The following CCDC122 variants were observed in gnomAD, a reference collection of about 807,000 sequenced individuals.
CCDC122 encodes the protein coiled-coil domain-containing protein 122.
CCDC122 carries 38 observed loss-of-function variants against 37.0 expected under a neutral mutation model. That is an observed-to-expected ratio of 1.03 (90% CI 0.79 to 1.35). The LOEUF (loss-of-function observed/expected upper bound fraction) is 1.35. Ranked by LOEUF, CCDC122 falls within the 40% of genes most tolerant of loss-of-function variation. CCDC122 has a pLI of 0.00. For missense variants in CCDC122, 305 were observed against 310.0 expected (o/e 0.98, Z 0.12); for synonymous variants, 83 against 95.6 (o/e 0.87, Z 0.77).
chr13:43,844,069 CTTCT>C (rs79191527), intron 6 of CCDC122, among the ~76,000 whole-genome samples: 6,994 of 151,374 alleles, frequency 0.046, 321 homozygotes, highest in African/African-American at 0.11. Flanking sequence ...CATTTAATTC[CTTCT>C]ATTTACTTTT....
chr13:43,828,294 T>C (rs1020444592), intron 3 of CCDC122, among the ~76,000 whole-genome samples: 1 of 152,174 alleles, frequency 6.6e-6, no homozygotes, highest in South Asian at 2.1e-4. Flanking sequence ...GCACGCATTA[T>C]GTGTCAGGTG....
At chr13:43,862,363 T>C (rs989204380) in intron 4 of CCDC122, among the ~76,000 whole-genome samples, 6 of 152,162 alleles carry the variant, frequency 3.9e-5, no homozygotes, top group Admixed American at 3.9e-4. Context: ...CTGGCTATTA[T>C]CTGTTGGGTC....
intron 2 of CCDC122, among the ~76,000 whole-genome samples, chr13:43,873,709 A>T (rs1015753710): frequency 2.0e-5 from 3 of 152,204 alleles, no homozygotes; most frequent in South Asian, 4.1e-4. Flanking sequence ...CTCTACCTTT[A>T]AATTATACTG....
chr13:43,876,050 C>A (rs1005909542), intron 1 of CCDC122, among the ~76,000 whole-genome samples: 1 of 152,148 alleles, frequency 6.6e-6, no homozygotes, highest in African/African-American at 2.4e-5. Flanking sequence ...GTCACTTAGC[C>A]CCTAGGCAAA....
intron 3 of CCDC122, among the ~76,000 whole-genome samples, chr13:43,829,775 G>C (rs189915239): frequency 6.0e-4 from 91 of 152,248 alleles, no homozygotes; most frequent in Non-Finnish European, 1.0e-3. Flanking sequence ...TTTTGGTCTG[G>C]TTGCATGAGA....
In CCDC122 at chr13:43,868,797, T is replaced by C; in HGVS notation, c.53A>G (p.Gln18Arg). The C allele has an allele frequency of 3.4e-6, 5 of 1,486,466 alleles. No individual in the cohort carries two copies. The highest frequency in any genetic ancestry group is 4.5e-6 in the Non-Finnish European group (5 of 1,113,126). 92.1% of individuals were successfully genotyped at this position (1,486,466 alleles called of 1,614,324 possible). ...KSQGFPKEDN[Q>R]DTSSLADAVE... ...AGCATCAGCTAATGAACTTGTGTCT[T>C]GGTTATCTACAATTAGACAAAAGAA... The change falls in exon 4 of 7, where the codon CAA (glutamine) becomes CGA (arginine). Residue 18 changes from glutamine (Q) to arginine (R), a missense_variant. Physicochemically the swap from Gln to Arg is conservative, Grantham distance 43 (BLOSUM62 1). Transcript: ENST00000444614.
At chr13:43,857,922 T>C (rs1953976084) in intron 6 of CCDC122, among the ~76,000 whole-genome samples, 1 of 151,994 alleles carries the variant, frequency 6.6e-6, no homozygotes, top group Non-Finnish European at 1.5e-5. Flanking sequence ...GAAAAAATAA[T>C]AATAATAATA....
chr13:43,859,552 T>C, intron 5 of CCDC122, 120 bp downstream of exon 5: 1 of 731,402 alleles, frequency 1.4e-6, no homozygotes, highest in South Asian at 3.7e-5. Context: ...AAATAGTTTC[T>C]GAAGGTAATA....
chr13:43,837,459 G>A, intron 6 of CCDC122, 30 bp from the exon 7 acceptor site: 1 of 1,584,362 alleles, frequency 6.3e-7, no homozygotes, highest in Non-Finnish European at 8.6e-7. Context: ...CATCAACAGG[G>A]CTTGTGAAGT....
intron 1 of CCDC122, among the ~76,000 whole-genome samples, chr13:43,875,453 G>A (rs535443931): frequency 1.3e-5 from 2 of 152,308 alleles, no homozygotes; most frequent in Admixed American, 6.5e-5. Context: ...ATCTTGAGAT[G>A]AGATCATCCT....
chr13:43,870,369 G>C (rs1299302688), intron 2 of CCDC122, among the ~76,000 whole-genome samples: 1 of 152,040 alleles, frequency 6.6e-6, no homozygotes, highest in African/African-American at 2.4e-5. Context: ...TCAACACACA[G>C]AACTGTCCCA....
chr13:43,848,368 C>A (rs1385202693), intron 6 of CCDC122, among the ~76,000 whole-genome samples: 1 of 152,170 alleles, frequency 6.6e-6, no homozygotes, highest in Non-Finnish European at 1.5e-5. Flanking sequence ...AAAAACTTCT[C>A]AACTGCTCCA....
At position 43,858,833 on chromosome 13, in the gene CCDC122, C is replaced by A; in HGVS notation, c.620G>T (p.Cys207Phe). The change falls in exon 6 of 7, where the codon TGT becomes TTT. Residue 207 changes from cysteine to phenylalanine, a missense_variant. Coordinates refer to ENST00000444614, the MANE Select transcript of CCDC122 (RefSeq NM_144974.5). ...TGTCTTTTTTTCTTCCTCAAGAAAA[C>A]AAGTTTTTTCAATGATAGATTCTTT... ...TVKESIIEKT[C>F]FLEEEKKTHE... 3 of 1,422,002 alleles carry A rather than the reference C, an allele frequency of 2.1e-6. No individual in the cohort carries two copies. Among genetic ancestry groups the A allele is most frequent in the Non-Finnish European group, 2.8e-6 (3 of 1,054,556 alleles). 88.1% of individuals were successfully genotyped at this position (1,422,002 alleles called of 1,614,324 possible).
In CCDC122 at chr13:43,836,814, C is replaced by CA. The variant is rs1173545944; in HGVS notation, c.*465dup. Reference sequence around the variant, plus strand: ...GCAGTGAGCCGAGACTGCGCCACTGCAGTCCGCAGTCCGGCCTGGGCGACA... The same window carrying CA: ...GCAGTGAGCCGAGACTGCGCCACTGCAAGTCCGCAGTCCGGCCTGGGCGACA... On this transcript the variant is annotated 3_prime_UTR_variant, in exon 7 of 7. Coordinates refer to ENST00000444614, the MANE Select transcript of CCDC122 (RefSeq NM_144974.5). The CA allele has an allele frequency of 7.8e-6, 1 of 128,940 alleles. No individual in the cohort carries two copies. Among genetic ancestry groups the CA allele is most frequent in the Non-Finnish European group, 1.5e-5 (1 of 64,852 alleles). 8.0% of individuals were successfully genotyped at this position (128,940 alleles called of 1,614,324 possible). A position where few individuals can be genotyped will look rare whatever the true frequency, so the allele number is the denominator to read the frequency against.
chr13:43,843,931 C>A (rs772230974), intron 6 of CCDC122, among the ~76,000 whole-genome samples: 3 of 151,578 alleles, frequency 2.0e-5, no homozygotes, highest in Non-Finnish European at 4.4e-5. Flanking sequence ...AATGTCCCTA[C>A]TAATCTCTCT....
At position 43,849,484 on chromosome 13, in the gene CCDC122, C is replaced by T. The variant is rs553344035; in HGVS notation, c.672+9297G>A. Among the ~76,000 whole-genome samples the T allele has an allele frequency of 2.2e-4, 34 of 152,288 alleles. No individual in the cohort carries two copies. In the East Asian group the frequency reaches 4.8e-3, roughly 22 times the overall value. ...TGAAAGTTGGAGAGAAGAAGGCAAA[C>T]TGTTTAGGGAACCTCAAGACCCAAG... On this transcript the variant is annotated intron_variant, in intron 6 of 6. Transcript: ENST00000444614.
intron 4 of CCDC122, 137 bp from the exon 5 acceptor site, chr13:43,860,207 T>A: frequency 2.3e-6 from 1 of 433,024 alleles, no homozygotes; most frequent in Non-Finnish European, 3.9e-6. Flanking sequence ...AATTAATGAA[T>A]ACAAGGAAAC....
At chr13:43,840,501 G>A (rs1057171113) in intron 6 of CCDC122, among the ~76,000 whole-genome samples, 1 of 151,908 alleles carries the variant, frequency 6.6e-6, no homozygotes, top group Non-Finnish European at 1.5e-5. Flanking sequence ...TTAACATTAG[G>A]TATATCTCCT....
At chr13:43,873,825 A>G (rs1350965931) in intron 2 of CCDC122, among the ~76,000 whole-genome samples, 1 of 152,092 alleles carries the variant, frequency 6.6e-6, no homozygotes, top group Non-Finnish European at 1.5e-5. Context: ...GACAGCATCT[A>G]TTACCACCGA....
Sources: gnomAD v4.1 joint callset for allele counts (sites outside exome capture counted in the v4.1 genomes callset) on GRCh38, gnomAD v4.1.1 for gene constraint, MANE v1.5 for transcripts, NCBI Gene and HGNC (gene_info 2026-07-23, HGNC 2026-07-21) for gene names.